MOV10: variants seen among roughly 807,000 people sequenced by gnomAD.
The protein encoded by MOV10 is RNA helicase MOV-10.
MOV10 carries 39 observed loss-of-function variants against 108.4 expected under a neutral mutation model. The observed-to-expected ratio is 0.36, with a 90% CI of 0.28 to 0.47. The LOEUF (loss-of-function observed/expected upper bound fraction) is 0.47. Ranked by LOEUF, MOV10 falls within the 20% of genes least tolerant of loss-of-function variation. The pLI is 1.00. For synonymous variants in MOV10, 490 were observed against 523.1 expected, an observed-to-expected ratio of 0.94 and a Z score of 0.86; for missense variants, 952 against 1,297.6, an observed-to-expected ratio of 0.73 and a Z score of 4.09.
At position 112,698,107 on chromosome 1, in the gene MOV10, G is replaced by A. The variant is rs375102670; in HGVS notation, c.2312G>A (p.Arg771Gln). ...ERFCRWAGLPRQGFPIIFHGV... is the reference protein window; with the variant it reads ...ERFCRWAGLPQQGFPIIFHGV... The stretch of plus-strand genomic sequence containing the variant: ...TTCTGCCGCTGGGCGGGCCTACCTC[G>A]ACAGGTGAGGCTGAGCAGGGCAGGC... The change falls in exon 15 of 21, where the codon CGA (arginine) becomes CAA (glutamine). Residue 771 changes from arginine (R) to glutamine (Q), a missense_variant. By Grantham distance (43) the Arg-to-Gln change is conservative. Around this residue, in one of 5 missense-constraint regions of MOV10, gnomAD observed 453 missense variants for 611.5 expected, o/e 0.74. Transcript: ENST00000369645. The A allele has an allele frequency of 8.7e-6, 14 of 1,613,904 alleles. No individual in the cohort carries two copies. The highest frequency in any genetic ancestry group is 1.7e-4 in the Middle Eastern group (1 of 6,042).
intron 7 of MOV10, chr1:112,693,680 T>C (rs1420599541): frequency 6.3e-6 from 1 of 157,684 alleles, no homozygotes; most frequent in Non-Finnish European, 1.4e-5. Context: ...TTTTTTTTTT[T>C]TTTTTTTAAT....
At chr1:112,681,143 A>G (rs997361469) in intron 2 of MOV10, among the ~76,000 whole-genome samples, 3 of 151,982 alleles carry the variant, frequency 2.0e-5, no homozygotes, top group African/African-American at 7.3e-5. Context: ...CCCTGTACTC[A>G]GGTACCTCTT....
intron 14 of MOV10, 66 bp from the exon 15 acceptor site, chr1:112,697,928 G>A: frequency 7.4e-7 from 1 of 1,355,672 alleles, no homozygotes. Flanking sequence ...AGTGGGTAGA[G>A]CGGAGCCCCT....
intron 2 of MOV10, among the ~76,000 whole-genome samples, chr1:112,684,329 G>A (rs1279605966): frequency 3.4e-5 from 5 of 145,886 alleles, no homozygotes; most frequent in South Asian, 2.2e-4. Flanking sequence ...GTGCAATGGC[G>A]CGAACTCAGC....
Position 112,700,311 on chromosome 1 carries a change from G to T in MOV10, c.2891G>T (p.Gly964Val). The T allele has an allele frequency of 6.2e-7, 1 of 1,614,192 alleles. No individual in the cohort carries two copies. Among genetic ancestry groups the T allele is most frequent in the Non-Finnish European group, 8.5e-7 (1 of 1,180,030 alleles). Residue 964 changes from glycine (G) to valine (V), a missense_variant, in exon 20 of 21, where the codon GGT (glycine) becomes GTT (valine). Physicochemically the swap from Gly to Val is moderately radical, Grantham distance 109. Around this residue, in one of 5 missense-constraint regions of MOV10, gnomAD observed 65 missense variants for 124.3 expected, o/e 0.52. Coordinates refer to ENST00000369645, the MANE Select transcript of MOV10 (RefSeq NM_001321324.2). ...DLQQGQNLLQ[G>V]LSKLSPSTSG... is the part of the protein sequence containing the mutation. ...CAACAGGGACAGAATTTACTGCAAGGTCTGAGCAAGCTCAGCCCCTCTACC... is the reference window on the plus strand; with the variant it reads ...CAACAGGGACAGAATTTACTGCAAGTTCTGAGCAAGCTCAGCCCCTCTACC...
At chr1:112,691,164 C>T (rs1673550333) in intron 5 of MOV10, among the ~76,000 whole-genome samples, 1 of 152,064 alleles carries the variant, frequency 6.6e-6, no homozygotes, top group African/African-American at 2.4e-5. Flanking sequence ...GCCTGTAGTC[C>T]CAGCTACTCT....
chr1:112,691,916 G>A (rs1570788728), intron 6 of MOV10, 117 bp downstream of exon 6: 9 of 1,134,460 alleles, frequency 7.9e-6, no homozygotes, highest in East Asian at 2.4e-5. Flanking sequence ...TTCCCTTACT[G>A]AGCACGCACC....
At chr1:112,683,237 G>C (rs1421376855) in intron 2 of MOV10, among the ~76,000 whole-genome samples, 1 of 152,056 alleles carries the variant, frequency 6.6e-6, no homozygotes, top group East Asian at 1.9e-4. Flanking sequence ...TCTTATACAA[G>C]TCATTTTGTG....
At chr1:112,689,245 C>T (rs866248290) in intron 3 of MOV10, 107 bp downstream of exon 3, 4 of 1,313,372 alleles carry the variant, frequency 3.0e-6, no homozygotes, top group Non-Finnish European at 4.3e-6. Context: ...AATAAGTCCC[C>T]CTCCTTCAGG....
chr1:112,699,465 T>G (rs1165234458), intron 17 of MOV10: 1 of 1,405,724 alleles, frequency 7.1e-7, no homozygotes, highest in Non-Finnish European at 9.2e-7. Flanking sequence ...TAGAACACTT[T>G]GCAGGCCCCA....
At position 112,700,463 on chromosome 1, in the gene MOV10, G is replaced by C; in HGVS notation, c.2968G>C (p.Gly990Arg). Residue 990 changes from glycine (G) to arginine (R), a missense_variant, in exon 21 of 21, where the codon GGC becomes CGC. Physicochemically the swap from Gly to Arg is moderately radical, Grantham distance 125. Around this residue, in one of 5 missense-constraint regions of MOV10, gnomAD observed 42 missense variants for 36.5 expected, o/e 1.15. Coordinates refer to ENST00000369645, the MANE Select transcript of MOV10 (RefSeq NM_001321324.2). ...CCCCCAGGAGCGGGAGGGTGAAGGG[G>C]GCCTGTCTCTGCAAGTGGAGCCAGA... ...YLPQEREGEG[G>R]LSLQVEPEWR... The C allele has an allele frequency of 1.7e-5, 28 of 1,613,882 alleles. No individual in the cohort carries two copies. Among genetic ancestry groups the C allele is most frequent in the Non-Finnish European group, 2.4e-5 (28 of 1,179,912 alleles).
At position 112,691,721 on chromosome 1, in the gene MOV10, C is replaced by A. The variant is rs760457102; in HGVS notation, c.893C>A (p.Pro298His). 1.2e-6 allele frequency: 2 copies of A among 1,614,054 alleles called. No individual in the cohort carries two copies. Among genetic ancestry groups the A allele is most frequent in the Non-Finnish European group, 1.7e-6 (2 of 1,180,054 alleles). Residue 298 changes from proline (P) to histidine (H), a missense_variant, in exon 6 of 21, where the codon CCC becomes CAC. Physicochemically the swap from Pro to His is moderately conservative, Grantham distance 77. Around this residue, in one of 5 missense-constraint regions of MOV10, gnomAD observed 374 missense variants for 468.6 expected, o/e 0.80. Coordinates refer to ENST00000369645, the MANE Select transcript of MOV10 (RefSeq NM_001321324.2). ...GCGCTGGGGACATACTACCCACCTC[C>A]CCGCCTCAGGCAGCTGCTCCCCATG... ...SMALGTYYPPPRLRQLLPMLL... is the reference protein window; with the variant it reads ...SMALGTYYPPHRLRQLLPMLL...
rs148550433 is a variant in MOV10 at position 112,699,877 on chromosome 1, C to T, written c.2710-17C>T. The T allele has an allele frequency of 4.3e-5, 69 of 1,614,122 alleles. No individual in the cohort carries two copies. In the East Asian group the frequency reaches 1.3e-3, roughly 31 times the overall value. ...GGGGCTCTTCCCTCCCATGACCACA[C>T]CACTTCTTCCTTCCAGAGGTTCAAT... On this transcript the variant is annotated splice_polypyrimidine_tract_variant and intron_variant, in intron 18 of 20. Transcript: ENST00000369645.
chr1:112,687,060 C>T, intron 2 of MOV10: 1 of 456,428 alleles, frequency 2.2e-6, no homozygotes, highest in Non-Finnish European at 4.4e-6. Flanking sequence ...AACCCACCAA[C>T]CGCAGTGGTT....
rs1189164921 is a variant in MOV10 at position 112,688,884 on chromosome 1, T to C, written c.138-51T>C. On this transcript the variant is annotated intron_variant, in intron 2 of 20. Transcript: ENST00000369645. ...GCCCTTTCCCACCCGCCGCCCTGCCTCCCTCGAGCCCTGCCTTCCCTCACT... is the reference window on the plus strand; with the variant it reads ...GCCCTTTCCCACCCGCCGCCCTGCCCCCCTCGAGCCCTGCCTTCCCTCACT... 7 of 1,608,786 alleles carry C rather than the reference T, an allele frequency of 4.4e-6. No homozygotes were observed. The Admixed American group carries it at 1.0e-4, about 23-fold the overall frequency.
Position 112,698,031 on chromosome 1 carries a change from T to A in MOV10, c.2236T>A (p.Tyr746Asn). The A allele has an allele frequency of 6.2e-7, 1 of 1,614,138 alleles. No homozygotes were observed. The highest frequency in any genetic ancestry group is 1.1e-5 in the South Asian group (1 of 91,086). The change falls in exon 15 of 21, where the codon TAT becomes AAT. Residue 746 changes from tyrosine to asparagine, a missense_variant. This residue lies in a region of MOV10 where 453 missense variants were observed against 611.5 expected (regional missense o/e 0.74). Coordinates refer to ENST00000369645, the MANE Select transcript of MOV10 (RefSeq NM_001321324.2). ...PTILDIPNQLYYEGELQACAD... is the reference protein window; with the variant it reads ...PTILDIPNQLNYEGELQACAD... ...CATCCTGGACATTCCTAACCAGCTC[T>A]ATTATGAAGGGGAGCTGCAGGCCTG...
At position 112,694,281 on chromosome 1, in the gene MOV10, AGACTTTTCCTCAGGGGTACCCT is replaced by A; in HGVS notation, c.1295+112_1295+133del. 1.4e-6 allele frequency: 2 copies of A among 1,473,304 alleles called. No homozygotes were observed. The highest frequency in any genetic ancestry group is 1.9e-6 in the Non-Finnish European group (2 of 1,066,178). The allele number at this position is 1,473,304 out of a possible 1,614,324, so 91.3% of individuals were successfully genotyped here. A position where few individuals can be genotyped will look rare whatever the true frequency, so the allele number is the denominator to read the frequency against. ...AAATGAGACCCCGGGGCAGAGCAGG[AGACTTTTCCTCAGGGGTACCCT>A]GAGATGCTACGGCAGCTTCCTCTTC... On this transcript the variant is annotated intron_variant, in intron 8 of 20. Coordinates refer to ENST00000369645, the MANE Select transcript of MOV10 (RefSeq NM_001321324.2). The surrounding 1 kb of genome is among the most constrained non-coding windows in gnomAD (Gnocchi z 4.1).
At chr1:112,685,459 A>C (rs990288603) in intron 2 of MOV10, among the ~76,000 whole-genome samples, 15 of 151,878 alleles carry the variant, frequency 9.9e-5, no homozygotes, top group Admixed American at 6.6e-5. Context: ...GATTGAGACC[A>C]TCCTGGCTAA....
rs200133476 is a variant in MOV10 at position 112,681,982 on chromosome 1, G to A, written c.137+6933G>A. On this transcript the variant is annotated intron_variant, in intron 2 of 20. Coordinates refer to ENST00000369645, the MANE Select transcript of MOV10 (RefSeq NM_001321324.2). ...GCAGTCTTGGCTCACTGCAACCTCC[G>A]CCTCTGGGATTCAAGCAATTCTCCT... Among the ~76,000 whole-genome samples the A allele has an allele frequency of 6.7e-5, 10 of 150,236 alleles. No homozygotes were observed. The East Asian group carries it at 1.2e-3, about 18-fold the overall frequency.
Sources: allele counts gnomAD v4.1 joint callset (sites outside exome capture counted in the v4.1 genomes callset), GRCh38; gene constraint gnomAD v4.1.1; regional missense constraint gnomAD v4.1.1; non-coding constraint Gnocchi (gnomAD v3.1); transcripts MANE v1.5; gene names NCBI Gene and HGNC (gene_info 2026-07-23, HGNC 2026-07-21).